Variants in CYP2C8 observed in about 807,000 individuals in gnomAD.
The protein encoded by CYP2C8 is cytochrome P450 2C8.
In CYP2C8, 51 loss-of-function variants were observed where a neutral mutation model predicts 41.3. The ratio of observed to expected loss-of-function variants is 1.24; its 90% CI spans 0.99 to 1.56. CYP2C8 has a LOEUF of 1.56. CYP2C8 is among the 40% of genes most tolerant of loss of function. The pLI is 0.00. For missense variants in CYP2C8, 651 were observed against 579.9 expected, an observed-to-expected ratio of 1.12 and a Z score of -1.26; for synonymous variants, 218 against 205.8, an observed-to-expected ratio of 1.06 and a Z score of -0.51.
Position 95,067,359 on chromosome 10 carries a change from T to A in CYP2C8, c.332-2A>T. 1.9e-6 allele frequency: 3 copies of A among 1,596,756 alleles called. No individual in the cohort carries two copies. Among genetic ancestry groups the A allele is most frequent in the Non-Finnish European group, 2.6e-6 (3 of 1,176,224 alleles). On this transcript the variant is annotated splice_acceptor_variant, in intron 2 of 8. Coordinates refer to ENST00000371270, the MANE Select transcript of CYP2C8 (RefSeq NM_000770.3). LOFTEE classifies it high-confidence loss of function. ...TCTTTCCATTGCTGGAAATGATTCC[T>A]AATAAAAAAAGGGGCAGAAACTGGG...
At chr10:95,038,787 T>C in intron 8 of CYP2C8, 110 bp downstream of exon 8, 2 of 1,021,124 alleles carry the variant, frequency 2.0e-6, no homozygotes, top group South Asian at 2.7e-5. Context: ...CTCTTGATCA[T>C]GGACAAATAG....
At chr10:95,065,056 CA>C (rs11572091) in intron 3 of CYP2C8, 96 bp from the exon 4 acceptor site, 47,419 of 1,125,794 alleles carry the variant, frequency 0.042, 1,069 homozygotes, top group Middle Eastern at 0.099. Context: ...AAATTTTAAA[CA>C]ATATCTTACA....
At chr10:95,056,666 T>C (rs192651575) in intron 5 of CYP2C8, among the ~76,000 whole-genome samples, 8 of 152,288 alleles carry the variant, frequency 5.3e-5, no homozygotes, top group Admixed American at 1.3e-4. Flanking sequence ...ACATATGCCA[T>C]GGGTCAAATG....
At chr10:95,056,788 T>TA (rs954490669) in intron 5 of CYP2C8, among the ~76,000 whole-genome samples, 10 of 151,744 alleles carry the variant, frequency 6.6e-5, no homozygotes, top group African/African-American at 2.4e-4. Context: ...TGTGGAGTGA[T>TA]AAAAAAGTTT....
Position 95,036,992 on chromosome 10 carries a change from G to T in CYP2C8, c.*136C>A. 1.2e-6 allele frequency: 1 copy of T among 815,030 alleles called. No homozygotes were observed. The highest frequency in any genetic ancestry group is 2.1e-6 in the Non-Finnish European group (1 of 475,088). The allele number at this position is 815,030 out of a possible 1,614,324, so 50.5% of individuals were successfully genotyped here. ...GACCTGAACAACTCTCCTTAATGGA[G>T]TTTGGATGCTTATGGGATATTGAGT... On this transcript the variant is annotated 3_prime_UTR_variant, in exon 9 of 9. Coordinates refer to ENST00000371270, the MANE Select transcript of CYP2C8 (RefSeq NM_000770.3).
rs2033355723 is a variant in CYP2C8 at position 95,058,469 on chromosome 10, T to C, written c.685A>G (p.Thr229Ala). 2 of 1,613,210 alleles carry C rather than the reference T, an allele frequency of 1.2e-6. No individual in the cohort carries two copies. The highest frequency in any genetic ancestry group is 1.1e-5 in the South Asian group (1 of 91,064). Reference sequence around the variant, plus strand: ...ACATTTTTAAGCACTTTGTTGTGAGTTCCTGGGAAACAATCAATGAGTAGA... The same window carrying C: ...ACATTTTTAAGCACTTTGTTGTGAGCTCCTGGGAAACAATCAATGAGTAGA... ...FPLLIDCFPG[T>A]HNKVLKNVAL... The change falls in exon 5 of 9, where the codon ACT becomes GCT. Residue 229 changes from threonine (T) to alanine (A), a missense_variant. Thr to Ala is a moderately conservative substitution (Grantham distance 58, BLOSUM62 0). Transcript: ENST00000371270.
Position 95,064,919 on chromosome 10 carries a change from A to G in CYP2C8, c.523T>C (p.Cys175Arg). 1 of 1,612,906 alleles carries G rather than the reference A, an allele frequency of 6.2e-7. No individual in the cohort carries two copies. Among genetic ancestry groups the G allele is most frequent in the South Asian group, 1.1e-5 (1 of 90,952 alleles). ...AAAACAACGGAGCAGATCACATTGC[A>G]GGGAGCACAGCCCAGGATGAAAGTG... ...DPTFILGCAP[C>R]NVICSVVFQK... The change falls in exon 4 of 9, where the codon TGC becomes CGC. Residue 175 changes from cysteine (C) to arginine (R), a missense_variant. Cys to Arg is a radical substitution (Grantham distance 180). Coordinates refer to ENST00000371270, the MANE Select transcript of CYP2C8 (RefSeq NM_000770.3).
rs1169787051 is a variant in CYP2C8 at position 95,064,112 on chromosome 10, G to T, written c.642+688C>A. Among the ~76,000 whole-genome samples, 4 of 152,280 alleles carry T rather than the reference G, an allele frequency of 2.6e-5. No individual in the cohort carries two copies. The South Asian group carries it at 8.3e-4, about 32-fold the overall frequency. ...TGAGGAGACCGTCTGTCCATTCTCAGATCTCATACTCCATGCTGGGAGAAC... is the reference window on the plus strand; with the variant it reads ...TGAGGAGACCGTCTGTCCATTCTCATATCTCATACTCCATGCTGGGAGAAC... On this transcript the variant is annotated intron_variant, in intron 4 of 8. Transcript: ENST00000371270.
chr10:95,052,246 T>C (rs2033226509), intron 5 of CYP2C8, among the ~76,000 whole-genome samples: 1 of 151,970 alleles, frequency 6.6e-6, no homozygotes, highest in East Asian at 1.9e-4. Flanking sequence ...CCTACTGAAA[T>C]TGAACCATGA....
At chr10:95,045,587 A>C (rs939998800) in intron 6 of CYP2C8, among the ~76,000 whole-genome samples, 1 of 152,174 alleles carries the variant, frequency 6.6e-6, no homozygotes, top group African/African-American at 2.4e-5. Flanking sequence ...TCAGTGCTTT[A>C]CTTATTTTGC....
intron 5 of CYP2C8, among the ~76,000 whole-genome samples, chr10:95,056,426 T>A (rs570585139): frequency 9.2e-5 from 14 of 152,242 alleles, no homozygotes; most frequent in Admixed American, 6.5e-4. Context: ...GAAAATATAT[T>A]CATGAAGTAA....
intron 4 of CYP2C8, among the ~76,000 whole-genome samples, chr10:95,059,076 C>T (rs11188159): frequency 0.22 from 32,968 of 152,064 alleles, 4,039 homozygotes; most frequent in Non-Finnish European, 0.29. Context: ...CAAGTCTTTG[C>T]TATTGTGAAT....
chr10:95,055,395 A>G (rs1056141895), intron 5 of CYP2C8, among the ~76,000 whole-genome samples: 3 of 152,224 alleles, frequency 2.0e-5, no homozygotes, highest in Admixed American at 6.5e-5. Context: ...CGTTTCTTCA[A>G]CAAACAGTGC....
chr10:95,066,143 AGAGAGAGAGAGTGTGTGT>A (rs1033431336), intron 3 of CYP2C8, among the ~76,000 whole-genome samples: 6 of 112,782 alleles, frequency 5.3e-5, no homozygotes, highest in Admixed American at 1.7e-4. Context: ...AGAGAGAGAG[AGAGAGAGAGAGTGTGTGT>A]GTGTGTGTGT....
chr10:95,040,567 C>T (rs1275885015), intron 7 of CYP2C8, among the ~76,000 whole-genome samples: 3 of 152,138 alleles, frequency 2.0e-5, no homozygotes, highest in Non-Finnish European at 4.4e-5. Context: ...CATTGTAAAG[C>T]TGCAAAGACC....
intron 5 of CYP2C8, among the ~76,000 whole-genome samples, chr10:95,052,342 C>G (rs1564737267): frequency 2.0e-5 from 3 of 151,968 alleles, no homozygotes; most frequent in African/African-American, 7.2e-5. Context: ...GCTCAAGACC[C>G]AATGACTTCA....
In CYP2C8 at chr10:95,038,060, T is replaced by A. The variant is rs200688851; in HGVS notation, c.1292-751A>T. On this transcript the variant is annotated intron_variant, in intron 8 of 8. Transcript: ENST00000371270. ...GGTCTCTGTCCTTGTCATGTTGGTA[T>A]CTACAGTGCCAAATATAAAGCAGAC... Among the ~76,000 whole-genome samples the A allele has an allele frequency of 1.3e-4, 20 of 152,306 alleles. No homozygotes were observed. In the East Asian group the frequency reaches 3.1e-3, roughly 24 times the overall value.
chr10:95,047,807 C>G (rs2033138714), intron 5 of CYP2C8, among the ~76,000 whole-genome samples: 1 of 152,134 alleles, frequency 6.6e-6, no homozygotes, highest in Non-Finnish European at 1.5e-5. Flanking sequence ...CTCCACCCCC[C>G]TCAAAAAAAG....
chr10:95,043,146 C>T (rs2033040461), intron 6 of CYP2C8, 69 bp from the exon 7 acceptor site: 1 of 1,404,370 alleles, frequency 7.1e-7, no homozygotes, highest in Non-Finnish European at 1.0e-6. Context: ...CAATTCATGG[C>T]CACATTAACA....
Sources: allele counts gnomAD v4.1 joint callset (sites outside exome capture counted in the v4.1 genomes callset), GRCh38; gene constraint gnomAD v4.1.1; transcripts MANE v1.5; gene names NCBI Gene and HGNC (gene_info 2026-07-23, HGNC 2026-07-21).